The following ERBB4 variants were observed in gnomAD, a reference collection of about 807,000 sequenced individuals.
The protein encoded by ERBB4 is erb-b2 receptor tyrosine kinase 4, also known as receptor tyrosine-protein kinase erbB-4.
Under a neutral mutation model 158.0 loss-of-function variants are expected in ERBB4, and 42 were observed. The observed-to-expected ratio is 0.27, with a 90% CI of 0.21 to 0.34. The LOEUF (loss-of-function observed/expected upper bound fraction) is 0.34, where lower values mean the gene tolerates loss of function less well. Among genes scored for constraint, ERBB4 ranks in the 10% least tolerant of loss-of-function variants. The probability of loss-of-function intolerance (pLI) is 1.00; values close to 1 mark genes in which losing one functional copy is unlikely to be tolerated. For synonymous variants in ERBB4, 583 were observed against 558.7 expected, an observed-to-expected ratio of 1.04 and a Z score of -0.61; for missense variants, 1,333 against 1,624.1, an observed-to-expected ratio of 0.82 and a Z score of 3.08.
intron 19 of ERBB4, among the ~76,000 whole-genome samples, chr2:211,589,686 T>A (rs2125789399): frequency 6.6e-6 from 1 of 152,278 alleles, no homozygotes; most frequent in Middle Eastern, 3.4e-3. Context: ...TTTTTAATGA[T>A]GTCAGTCAAA....
chr2:211,866,289 C>A (rs1315958918), intron 3 of ERBB4, among the ~76,000 whole-genome samples: 1 of 152,042 alleles, frequency 6.6e-6, no homozygotes, highest in Non-Finnish European at 1.5e-5. Context: ...ATCTTATGAT[C>A]TTGTCTCTGG....
At chr2:211,886,684 T>C (rs144811148) in intron 3 of ERBB4, among the ~76,000 whole-genome samples, 2 of 152,324 alleles carry the variant, frequency 1.3e-5, no homozygotes, top group African/African-American at 4.8e-5. Flanking sequence ...CTTAGGGGCA[T>C]GTAAACAAAT....
chr2:212,005,117 A>C (rs1271524114), intron 2 of ERBB4, among the ~76,000 whole-genome samples: 1 of 152,176 alleles, frequency 6.6e-6, no homozygotes, highest in Admixed American at 6.5e-5. Context: ...AACATACACA[A>C]TATACATCAA....
chr2:212,513,597 G>A (rs751902557), intron 1 of ERBB4, among the ~76,000 whole-genome samples: 4 of 152,128 alleles, frequency 2.6e-5, no homozygotes, highest in Non-Finnish European at 4.4e-5. Context: ...TGGATCAAGA[G>A]GTCAGGAGAT....
chr2:212,323,941 C>A (rs2087693778), intron 1 of ERBB4, among the ~76,000 whole-genome samples: 1 of 150,472 alleles, frequency 6.6e-6, no homozygotes. Flanking sequence ...CGGAGCCATG[C>A]CCACCACACC....
At chr2:211,790,670 A>G (rs2076259315) in intron 3 of ERBB4, among the ~76,000 whole-genome samples, 1 of 152,044 alleles carries the variant, frequency 6.6e-6, no homozygotes. Context: ...ATCAATCCAG[A>G]TGATACTTTT....
rs2090410914 is a variant in ERBB4 at position 212,378,804 on chromosome 2, C to A, written c.82+159645G>T. On this transcript the variant is annotated intron_variant, in intron 1 of 27. Coordinates refer to ENST00000342788, the MANE Select transcript of ERBB4 (RefSeq NM_005235.3). ...TATGCATTACCAATGTTCGAGTTAA[C>A]AATTTATAAACTTCTGCACAGACAT... Among the ~76,000 whole-genome samples, 4 of 151,774 alleles carry A rather than the reference C, an allele frequency of 2.6e-5. No homozygotes were observed. The South Asian group carries it at 8.3e-4, about 31-fold the overall frequency.
chr2:211,455,039 C>T (rs1295096863), intron 20 of ERBB4, among the ~76,000 whole-genome samples: 2 of 152,244 alleles, frequency 1.3e-5, no homozygotes, highest in African/African-American at 4.8e-5. Context: ...TTGCTACTTA[C>T]AACAAAGAAT....
At chr2:212,085,648 A>G (rs991667622) in intron 2 of ERBB4, among the ~76,000 whole-genome samples, 2 of 151,948 alleles carry the variant, frequency 1.3e-5, no homozygotes, top group African/African-American at 4.8e-5. Flanking sequence ...TTAAAAATAA[A>G]ACTGGAAACT....
intron 19 of ERBB4, among the ~76,000 whole-genome samples, chr2:211,593,585 T>C (rs1455396346): frequency 6.6e-6 from 1 of 152,226 alleles, no homozygotes; most frequent in East Asian, 1.9e-4. Context: ...TGTCTTGCAT[T>C]ATTCTAAGTA....
chr2:211,531,973 T>G (rs2066512197), intron 20 of ERBB4, among the ~76,000 whole-genome samples: 1 of 152,020 alleles, frequency 6.6e-6, no homozygotes, highest in South Asian at 2.1e-4. Flanking sequence ...AAAAATGAGA[T>G]CCTGTCATTT....
At chr2:211,756,479 G>A (rs759937378) in intron 4 of ERBB4, among the ~76,000 whole-genome samples, 8 of 152,168 alleles carry the variant, frequency 5.3e-5, no homozygotes, top group Non-Finnish European at 7.3e-5. Flanking sequence ...AAAGTATCAC[G>A]AAAGCCTTCT....
intron 3 of ERBB4, among the ~76,000 whole-genome samples, chr2:211,851,538 T>C (rs539956486): frequency 2.5e-4 from 38 of 152,024 alleles, no homozygotes; most frequent in African/African-American, 8.2e-4. Flanking sequence ...GTTTAGATAA[T>C]GGGGATGTAG....
At chr2:211,759,698 G>C (rs1430364978) in intron 4 of ERBB4, among the ~76,000 whole-genome samples, 2 of 151,984 alleles carry the variant, frequency 1.3e-5, no homozygotes, top group South Asian at 4.1e-4. Context: ...AGATTTACTA[G>C]ATTTTATTTC....
At chr2:211,783,632 G>A (rs1179527616) in intron 4 of ERBB4, among the ~76,000 whole-genome samples, 1 of 152,144 alleles carries the variant, frequency 6.6e-6, no homozygotes, top group Non-Finnish European at 1.5e-5. Flanking sequence ...TAATCACGTG[G>A]TTTTTATCTT....
chr2:211,556,622 A>G (rs866436339), intron 20 of ERBB4, among the ~76,000 whole-genome samples: 75 of 152,304 alleles, frequency 4.9e-4, no homozygotes, highest in African/African-American at 1.6e-3. Context: ...AATCAACCAC[A>G]TAATTGCACA....
intron 1 of ERBB4, among the ~76,000 whole-genome samples, chr2:212,354,026 T>C (rs1006793801): frequency 1.3e-5 from 2 of 152,132 alleles, no homozygotes; most frequent in Admixed American, 1.3e-4. Context: ...AATAAACCTG[T>C]GCTGTGTTAA....
chr2:211,775,246 G>C (rs2075843309), intron 4 of ERBB4, among the ~76,000 whole-genome samples: 1 of 152,144 alleles, frequency 6.6e-6, no homozygotes. Flanking sequence ...AGGTGAGTGT[G>C]GTCTTTCAGC....
At chr2:211,704,285 A>G in intron 10 of ERBB4, 91 bp from the exon 11 acceptor site, 1 of 847,208 alleles carries the variant, frequency 1.2e-6, no homozygotes, top group Admixed American at 1.8e-5. Flanking sequence ...AATGTGTTGA[A>G]AGTTGGGAAG....
Sources: gnomAD v4.1 joint callset for allele counts (sites outside exome capture counted in the v4.1 genomes callset) on GRCh38, gnomAD v4.1.1 for gene constraint, MANE v1.5 for transcripts, NCBI Gene and HGNC (gene_info 2026-07-23, HGNC 2026-07-21) for gene names.